Variants in TANC1 observed in about 807,000 individuals in gnomAD.
TANC1 encodes the protein tetratricopeptide repeat, ankyrin repeat and coiled-coil containing 1.
A neutral mutation model predicts 149.7 loss-of-function variants in TANC1; 77 were observed. The ratio of observed to expected loss-of-function variants is 0.51; its 90% CI spans 0.43 to 0.62. The LOEUF (loss-of-function observed/expected upper bound fraction) is 0.62, where lower values mean the gene tolerates loss of function less well. Among genes scored for constraint, TANC1 ranks in the 20% least tolerant of loss-of-function variants. TANC1 has a pLI of 0.00. For synonymous variants in TANC1, 854 were observed against 925.0 expected (o/e 0.92, Z 1.39); for missense variants, 1,985 against 2,321.8 (o/e 0.85, Z 2.98).
intron 2 of TANC1, among the ~76,000 whole-genome samples, chr2:159,032,065 A>G (rs796970267): frequency 6.6e-5 from 10 of 152,338 alleles, no homozygotes; most frequent in African/African-American, 2.4e-4. Context: ...TCTGGGGCAG[A>G]TTGAACTGGC....
chr2:158,975,303 G>C (rs1223375287), intron 1 of TANC1, among the ~76,000 whole-genome samples: 2 of 151,976 alleles, frequency 1.3e-5, no homozygotes, highest in African/African-American at 4.8e-5. Flanking sequence ...GGTGTGGAGG[G>C]GGGTGACTGT....
At chr2:159,216,479 G>A (rs1040579044) in intron 19 of TANC1, among the ~76,000 whole-genome samples, 23 of 152,070 alleles carry the variant, frequency 1.5e-4, no homozygotes, top group Admixed American at 1.3e-4. Flanking sequence ...GATCATCCTG[G>A]CCTGGGGTTG....
At chr2:159,099,395 A>G (rs1459334916) in intron 4 of TANC1, among the ~76,000 whole-genome samples, 1 of 151,938 alleles carries the variant, frequency 6.6e-6, no homozygotes, top group Non-Finnish European at 1.5e-5. Flanking sequence ...GGTTATCCTG[A>G]TTGGAATTAC....
chr2:158,981,542 T>TATATAA (rs1559096565), intron 1 of TANC1, among the ~76,000 whole-genome samples: 3 of 88,382 alleles, frequency 3.4e-5, no homozygotes, highest in African/African-American at 4.0e-5. Flanking sequence ...TATATATATA[T>TATATAA]AAAGAAGTAA....
At chr2:159,062,937 G>A (rs1385069015) in intron 2 of TANC1, among the ~76,000 whole-genome samples, 1 of 124,444 alleles carries the variant, frequency 8.0e-6, no homozygotes, top group Non-Finnish European at 1.6e-5. Context: ...ACTGCAGTCC[G>A]CAGTCCGGCC....
At chr2:158,992,040 G>A (rs2035684355) in intron 1 of TANC1, among the ~76,000 whole-genome samples, 1 of 152,038 alleles carries the variant, frequency 6.6e-6, no homozygotes, top group African/African-American at 2.4e-5. Context: ...GTGATGTTAT[G>A]TAAAGTTTGG....
intron 2 of TANC1, among the ~76,000 whole-genome samples, chr2:159,058,947 C>G (rs1381412586): frequency 6.6e-6 from 1 of 152,182 alleles, no homozygotes; most frequent in Non-Finnish European, 1.5e-5. Context: ...TTTGGTGCAT[C>G]AGAACTTAAG....
intron 1 of TANC1, among the ~76,000 whole-genome samples, chr2:158,986,612 G>A (rs2035030339): frequency 6.6e-6 from 1 of 152,154 alleles, no homozygotes; most frequent in Non-Finnish European, 1.5e-5. Context: ...AAGCTCCTGG[G>A]TTGAGAGTGA....
At chr2:159,106,549 C>T (rs1255473692) in intron 4 of TANC1, among the ~76,000 whole-genome samples, 1 of 152,132 alleles carries the variant, frequency 6.6e-6, no homozygotes, top group African/African-American at 2.4e-5. Flanking sequence ...TCCTACATGC[C>T]ACTCGTTTTG....
intron 4 of TANC1, among the ~76,000 whole-genome samples, chr2:159,129,018 T>C (rs1403455314): frequency 6.6e-6 from 1 of 152,174 alleles, no homozygotes; most frequent in Non-Finnish European, 1.5e-5. Context: ...CTAGATCAGA[T>C]AAAATTGGCA....
intron 3 of TANC1, among the ~76,000 whole-genome samples, chr2:159,097,208 T>C (rs1407935982): frequency 1.3e-5 from 2 of 152,112 alleles, no homozygotes; most frequent in South Asian, 2.1e-4. Context: ...CTTTTCTTAT[T>C]AGAGAGGAGC....
intron 20 of TANC1, 97 bp downstream of exon 20, chr2:159,217,727 C>A: frequency 2.1e-6 from 3 of 1,449,826 alleles, no homozygotes; most frequent in South Asian, 1.3e-5. Context: ...CTCCCCTGAG[C>A]CTGTCTGTTC....
intron 1 of TANC1, among the ~76,000 whole-genome samples, chr2:158,977,557 C>T (rs1028181617): frequency 9.9e-5 from 15 of 151,218 alleles, no homozygotes; most frequent in Non-Finnish European, 1.8e-4. Flanking sequence ...GTGATCTGCC[C>T]GCCTCGGCCT....
intron 8 of TANC1, among the ~76,000 whole-genome samples, chr2:159,166,797 C>T (rs528752230): frequency 5.3e-5 from 8 of 152,308 alleles, no homozygotes; most frequent in South Asian, 2.1e-4. Flanking sequence ...TTGGTGGCTT[C>T]GAAAATGCCT....
intron 16 of TANC1, among the ~76,000 whole-genome samples, chr2:159,188,023 C>A (rs185800982): frequency 2.6e-4 from 40 of 152,180 alleles, no homozygotes; most frequent in African/African-American, 9.1e-4. Flanking sequence ...TGCTCTTTAA[C>A]GTATGTGCGA....
chr2:159,185,856 C>G lies in TANC1; in HGVS notation c.2576C>G (p.Thr859Ser), dbSNP rs2056923313. The part of the protein sequence containing the change: ...RQEGKLNRQQ[T>S]MELGHHILKA... ...GAGGGCAAGTTGAACCGCCAGCAGACCATGGAGCTTGGCCACCACATCCTG... is the reference window on the plus strand; with the variant it reads ...GAGGGCAAGTTGAACCGCCAGCAGAGCATGGAGCTTGGCCACCACATCCTG... Residue 859 changes from threonine (T) to serine (S), a missense_variant, in exon 15 of 27, where the codon ACC (threonine) becomes AGC (serine). By Grantham distance (58) the Thr-to-Ser change is moderately conservative (BLOSUM62 1). Coordinates refer to ENST00000263635, the MANE Select transcript of TANC1 (RefSeq NM_033394.3). 1.2e-6 allele frequency: 2 copies of G among 1,614,136 alleles called. No homozygotes were observed. The highest frequency in any genetic ancestry group is 2.7e-5 in the African/African-American group (2 of 75,034).
intron 2 of TANC1, among the ~76,000 whole-genome samples, chr2:159,014,905 G>C (rs896711399): frequency 6.6e-6 from 1 of 152,200 alleles, no homozygotes; most frequent in Non-Finnish European, 1.5e-5. Context: ...GCAGGGTACA[G>C]CCTCCTTCCT....
intron 1 of TANC1, among the ~76,000 whole-genome samples, chr2:159,000,854 G>A (rs1559118059): frequency 6.6e-6 from 1 of 152,148 alleles, no homozygotes. Flanking sequence ...AAGTGCAGGC[G>A]TAATGAGAAC....
intron 2 of TANC1, among the ~76,000 whole-genome samples, chr2:159,047,188 T>C (rs536774561): frequency 2.3e-4 from 33 of 143,164 alleles, no homozygotes; most frequent in Non-Finnish European, 2.9e-4. Flanking sequence ...TGAACTCATT[T>C]CCCCCCCCCA....
Sources: gnomAD v4.1 joint callset for allele counts (sites outside exome capture counted in the v4.1 genomes callset) on GRCh38, gnomAD v4.1.1 for gene constraint, MANE v1.5 for transcripts, NCBI Gene and HGNC (gene_info 2026-07-23, HGNC 2026-07-21) for gene names.